Variants in GCNT1 observed in about 807,000 individuals in gnomAD.
GCNT1 encodes beta-1,3-galactosyl-O-glycosyl-glycoprotein beta-1,6-N-acetylglucosaminyltransferase.
Under a neutral mutation model 26.2 loss-of-function variants are expected in GCNT1, and 16 were observed. The ratio of observed to expected loss-of-function variants is 0.61; its 90% CI spans 0.41 to 0.93. The LOEUF is 0.93. Ranked by LOEUF, GCNT1 falls within the 40% of genes least tolerant of loss-of-function variation. The pLI is 0.00. For missense variants in GCNT1, 477 were observed against 526.7 expected, an observed-to-expected ratio of 0.91 and a Z score of 0.92; for synonymous variants, 183 against 190.8, an observed-to-expected ratio of 0.96 and a Z score of 0.34.
chr9:76,478,180 C>T (rs1408924938), intron 2 of GCNT1, among the ~76,000 whole-genome samples: 3 of 152,262 alleles, frequency 2.0e-5, no homozygotes, highest in South Asian at 2.1e-4. Context: ...GCTCAGGTAT[C>T]CTTCCATGTA....
the GCNT1 span, among the ~76,000 whole-genome samples, chr9:76,404,990 G>A: frequency 0.034 from 5,097 of 151,542 alleles, 102 homozygotes; most frequent in Non-Finnish European, 0.048. Context: ...GCTAATTTTT[G>A]TATCTTTTTC....
intron 2 of GCNT1, among the ~76,000 whole-genome samples, chr9:76,463,843 A>C (rs1182971214): frequency 6.6e-6 from 1 of 152,108 alleles, no homozygotes; most frequent in Non-Finnish European, 1.5e-5. Context: ...CTTGAGACCT[A>C]ACCTGGTTGA....
chr9:76,441,064 C>CGAAAAAAAAA (rs1823477311), upstream of GCNT1, among the ~76,000 whole-genome samples: 1 of 129,460 alleles, frequency 7.7e-6, no homozygotes, highest in Admixed American at 7.7e-5. Flanking sequence ...GACTCCATCT[C>CGAAAAAAAAA]AAAAAAAAAC....
Position 76,503,712 on chromosome 9 carries a change from C to A in GCNT1, c.*44C>A. 6.9e-7 allele frequency: 1 copy of A among 1,453,254 alleles called. No homozygotes were observed. Among genetic ancestry groups the A allele is most frequent in the Non-Finnish European group, 9.6e-7 (1 of 1,044,984 alleles). The allele number at this position is 1,453,254 out of a possible 1,614,324, so 90.0% of individuals were successfully genotyped here. On this transcript the variant is annotated 3_prime_UTR_variant, in exon 4 of 4. Transcript: ENST00000376730. ...TGAACAAGAAGAAGGATACACAAAA[C>A]GTACCCTTATCTGTTTCCCCTTCCT...
rs555006203 is a variant in GCNT1 at position 76,502,393 on chromosome 9, G to T, written c.12G>T (p.Thr4=). The T allele has an allele frequency of 1.9e-6, 3 of 1,609,868 alleles. No homozygotes were observed. The highest frequency in any genetic ancestry group is 1.7e-6 in the Non-Finnish European group (2 of 1,176,710). The part of the protein sequence containing the change: MLR[T]LLRRRLFSYP... The stretch of plus-strand genomic sequence containing the variant: ...GATTATTGTTTGAAATGCTGAGGAC[G>T]TTGCTGCGAAGGAGACTTTTTTCTT... The change falls in exon 4 of 4, where the codon ACG becomes ACT. Residue 4 remains threonine (T), a synonymous_variant. Transcript: ENST00000376730.
At chr9:76,410,986 GT>G in the GCNT1 span, among the ~76,000 whole-genome samples, 1 of 152,206 alleles carries the variant, frequency 6.6e-6, no homozygotes, top group Non-Finnish European at 1.5e-5. Flanking sequence ...TGTCTGCTCT[GT>G]TAGAAATAAA....
chr9:76,419,282 A>G (rs2131568867), upstream of GCNT1, among the ~76,000 whole-genome samples: 1 of 152,314 alleles, frequency 6.6e-6, no homozygotes, highest in East Asian at 1.9e-4. Flanking sequence ...GACTTTGTCC[A>G]TCTTCATTAC....
In GCNT1 at chr9:76,503,331, G is replaced by C; in HGVS notation, c.950G>C (p.Ser317Thr). The part of the protein sequence containing the change: ...KLMEWAQDTY[S>T]PDEYLWATIQ... Reference sequence around the variant, plus strand: ...ATGGAGTGGGCACAAGACACATACAGCCCTGATGAGTATCTCTGGGCCACC... The same window carrying C: ...ATGGAGTGGGCACAAGACACATACACCCCTGATGAGTATCTCTGGGCCACC... Residue 317 changes from serine (S) to threonine (T), a missense_variant, in exon 4 of 4, where the codon AGC (serine) becomes ACC (threonine). Physicochemically the swap from Ser to Thr is moderately conservative, Grantham distance 58 (BLOSUM62 1). Transcript: ENST00000376730. 3.7e-6 allele frequency: 6 copies of C among 1,614,138 alleles called. No individual in the cohort carries two copies. The highest frequency in any genetic ancestry group is 5.1e-6 in the Non-Finnish European group (6 of 1,180,026).
At chr9:76,454,301 G>A (rs535508815), upstream of GCNT1, among the ~76,000 whole-genome samples, 12 of 150,768 alleles carry the variant, frequency 8.0e-5, no homozygotes, top group African/African-American at 2.4e-4. Flanking sequence ...GCTTGAACCC[G>A]GGAGGCGGAG....
chr9:76,495,846 A>T (rs767559175), intron 2 of GCNT1, among the ~76,000 whole-genome samples: 4 of 152,208 alleles, frequency 2.6e-5, no homozygotes, highest in Non-Finnish European at 1.5e-5. Context: ...TGCCTCATTA[A>T]TATTTTTTTA....
At chr9:76,414,189 C>T in the GCNT1 span, among the ~76,000 whole-genome samples, 1 of 152,252 alleles carries the variant, frequency 6.6e-6, no homozygotes, top group African/African-American at 2.4e-5. Flanking sequence ...ATCAACATCA[C>T]TGCCATATCT....
intron 2 of GCNT1, among the ~76,000 whole-genome samples, chr9:76,466,046 A>T (rs1823986807): frequency 6.6e-6 from 1 of 152,134 alleles, no homozygotes; most frequent in African/African-American, 2.4e-5. Context: ...TGGGGTGGAG[A>T]TACATGTTTG....
At chr9:76,482,671 G>A (rs1306356855) in intron 2 of GCNT1, among the ~76,000 whole-genome samples, 12 of 152,056 alleles carry the variant, frequency 7.9e-5, no homozygotes, top group South Asian at 6.2e-4. Flanking sequence ...TTGAGACAGG[G>A]TCTTGCTCTC....
intron 2 of GCNT1, among the ~76,000 whole-genome samples, chr9:76,477,526 CA>C (rs61339359): frequency 0.26 from 36,752 of 142,496 alleles, 4,648 homozygotes; most frequent in East Asian, 0.32. Flanking sequence ...ACTCTGTCTC[CA>C]AAAAAAAAAA....
At chr9:76,497,796 T>G (rs539427292) in intron 2 of GCNT1, among the ~76,000 whole-genome samples, 15 of 152,356 alleles carry the variant, frequency 9.8e-5, no homozygotes, top group African/African-American at 3.6e-4. Context: ...GGTGTCACAA[T>G]TTGTAACTTA....
At chr9:76,467,910 T>G (rs917927486) in intron 2 of GCNT1, among the ~76,000 whole-genome samples, 11 of 135,026 alleles carry the variant, frequency 8.1e-5, no homozygotes, top group Admixed American at 5.2e-4. Flanking sequence ...TTTTTTTTTT[T>G]TTTTTTTTTT....
chr9:76,475,542 A>ATT (rs910858129), intron 2 of GCNT1, among the ~76,000 whole-genome samples: 4 of 152,078 alleles, frequency 2.6e-5, no homozygotes, highest in Non-Finnish European at 5.9e-5. Context: ...TTTTATTTTT[A>ATT]TTTTTTGAGT....
chr9:76,425,366 G>A lies in GCNT1; in HGVS notation n.38+5479G>A, dbSNP rs192491172. On this transcript the variant is annotated intron_variant and non_coding_transcript_variant, in intron 1 of 3. Transcript: ENST00000488136. ...GCCTCCTGAGTAGCTGGGATTAAAG[G>A]TGACCGCCAACACGCCCGTCTAATT... Among the ~76,000 whole-genome samples, 552 of 151,676 alleles carry A rather than the reference G, an allele frequency of 3.6e-3. 6 individuals are homozygous for A. The highest frequency in any genetic ancestry group is 0.013 in the African/African-American group (529 of 41,402).
chr9:76,463,152 A>G (rs1823910847), intron 2 of GCNT1, among the ~76,000 whole-genome samples: 1 of 152,238 alleles, frequency 6.6e-6, no homozygotes, highest in South Asian at 2.1e-4. Flanking sequence ...AGGGAGGTTG[A>G]AAACAACCTT....
Sources: allele counts gnomAD v4.1 joint callset (sites outside exome capture counted in the v4.1 genomes callset), GRCh38; gene constraint gnomAD v4.1.1; transcripts MANE v1.5; gene names NCBI Gene and HGNC (gene_info 2026-07-23, HGNC 2026-07-21).